CCM2: variants seen among roughly 807,000 people sequenced by gnomAD.
CCM2 encodes the protein cerebral cavernous malformations 2 protein.
Under a neutral mutation model 44.9 loss-of-function variants are expected in CCM2, and 25 were observed. The ratio of observed to expected loss-of-function variants is 0.56; its 90% CI spans 0.41 to 0.78. CCM2 has a LOEUF of 0.78. Ranked by LOEUF, CCM2 falls within the 30% of genes least tolerant of loss-of-function variation. The pLI is 0.00. For synonymous variants in CCM2, 219 were observed against 241.1 expected, an observed-to-expected ratio of 0.91 and a Z score of 0.85; for missense variants, 481 against 580.6, an observed-to-expected ratio of 0.83 and a Z score of 1.76.
At chr7:45,037,447 A>G (rs1410689330) in intron 1 of CCM2, among the ~76,000 whole-genome samples, 4 of 123,572 alleles carry the variant, frequency 3.2e-5, no homozygotes, top group Admixed American at 8.8e-5. Context: ...TTGAGACAGT[A>G]TCTTGCTCTG....
chr7:45,022,960 C>CG (rs1796539480), intron 1 of CCM2, among the ~76,000 whole-genome samples: 1 of 151,656 alleles, frequency 6.6e-6, no homozygotes, highest in African/African-American at 2.4e-5. Flanking sequence ...AGGTTGGTCT[C>CG]GAACTCCTGA....
Position 45,076,172 on chromosome 7 carries a change from G to A in CCM2, c.*115G>A, listed in dbSNP as rs772224554. 1.2e-5 allele frequency: 18 copies of A among 1,474,898 alleles called. No homozygotes were observed. Among genetic ancestry groups the A allele is most frequent in the South Asian group, 1.1e-4 (9 of 84,032 alleles). 91.4% of individuals were successfully genotyped at this position (1,474,898 alleles called of 1,614,324 possible). A position where few individuals can be genotyped will look rare whatever the true frequency, so the allele number is the denominator to read the frequency against. On this transcript the variant is annotated 3_prime_UTR_variant, in exon 10 of 10. Coordinates refer to ENST00000258781, the MANE Select transcript of CCM2 (RefSeq NM_031443.4). ...TGGTGGTGGCCAGGGAGAGGCGCCC[G>A]GTGCAGATGGCCCCGGGCGGCCCAG...
Position 45,012,930 on chromosome 7 carries a change from C to G in CCM2, c.30+12567C>G, listed in dbSNP as rs529958936. ...TTTAAACTGCATGCTTTATAAAGAG[C>G]ATTTTGTTACAGCTTGCTTTTTTAT... is the stretch of plus-strand genomic sequence containing the variant. On this transcript the variant is annotated intron_variant, in intron 1 of 9. Transcript: ENST00000258781. Among the ~76,000 whole-genome samples, 103 of 152,172 alleles carry G rather than the reference C, an allele frequency of 6.8e-4. 2 individuals carry two copies. The South Asian group carries it at 0.021, about 31-fold the overall frequency.
At chr7:45,053,096 CA>C (rs1411637625) in intron 2 of CCM2, among the ~76,000 whole-genome samples, 1 of 152,198 alleles carries the variant, frequency 6.6e-6, no homozygotes, top group Non-Finnish European at 1.5e-5. Context: ...ATCTGACTCC[CA>C]TATGTTCCTA....
intron 1 of CCM2, among the ~76,000 whole-genome samples, chr7:45,008,807 C>T (rs1167394385): frequency 2.6e-5 from 4 of 152,136 alleles, no homozygotes; most frequent in African/African-American, 9.7e-5. Flanking sequence ...ATCACCTTTA[C>T]ATAGCTTTTA....
rs1483121111 is a variant in CCM2, at chr7:45,046,880, AAAAC to A, written c.204+8461_204+8464del. ...TAAAGAACTCTCAAAACTCAACAGT[AAAAC>A]AAACAATCCGATTAAGACATAAGCA... On this transcript the variant is annotated intron_variant, in intron 2 of 9. Transcript: ENST00000258781. Among the ~76,000 whole-genome samples, 6 of 152,354 alleles carry A rather than the reference AAAAC, an allele frequency of 3.9e-5. No homozygotes were observed. In the South Asian group the frequency reaches 6.2e-4, roughly 16 times the overall value.
At chr7:45,048,165 C>G (rs1797846490) in intron 2 of CCM2, among the ~76,000 whole-genome samples, 1 of 152,168 alleles carries the variant, frequency 6.6e-6, no homozygotes, top group South Asian at 2.1e-4. Flanking sequence ...GTGGCTGCCT[C>G]TTGGAAGTGG....
At chr7:45,051,929 TCTC>T (rs1486608953) in intron 2 of CCM2, among the ~76,000 whole-genome samples, 3 of 152,192 alleles carry the variant, frequency 2.0e-5, no homozygotes, top group African/African-American at 4.8e-5. Context: ...ATGGTCTTGA[TCTC>T]CTGACCTCGT....
rs1798678658 is a variant in CCM2 at position 45,064,554 on chromosome 7, G to A, written c.380G>A (p.Gly127Glu). The A allele has an allele frequency of 2.5e-6, 4 of 1,613,874 alleles. No individual in the cohort carries two copies. In the East Asian group the frequency reaches 8.9e-5, roughly 36 times the overall value. Residue 127 changes from glycine to glutamate, a missense_variant, in exon 4 of 10, where the codon GGG (glycine) becomes GAG (glutamate). Physicochemically the swap from Gly to Glu is moderately conservative, Grantham distance 98. Transcript: ENST00000258781. ...AYNVKLAWRD[G>E]EDIILRVPIH... ...AACGTCAAGCTGGCCTGGAGGGACG[G>A]GGAGGATATCATCCTCAGGGTGCCC...
In CCM2 at chr7:45,023,109, C is replaced by G. The variant is rs559718486; in HGVS notation, c.31-15144C>G. Among the ~76,000 whole-genome samples the G allele has an allele frequency of 2.6e-5, 4 of 152,242 alleles. No individual in the cohort carries two copies. In the South Asian group the frequency reaches 8.3e-4, roughly 32 times the overall value. ...GTATCCAGTAGGTAATTTTTCATCT[C>G]TCACCTCCCTCCCACTTTCTCCCTT... On this transcript the variant is annotated intron_variant, in intron 1 of 9. Transcript: ENST00000258781.
Position 45,068,463 on chromosome 7 carries a change from C to G in CCM2, c.493C>G (p.Pro165Ala). 6.2e-7 allele frequency: 1 copy of G among 1,614,192 alleles called. No homozygotes were observed. The highest frequency in any genetic ancestry group is 8.5e-7 in the Non-Finnish European group (1 of 1,180,040). ...CTCAGCCCAGGACCCAGGGATCTCCCCCAGCCAGAGTCTGTGTGCGGAAAG... is the reference window on the plus strand; with the variant it reads ...CTCAGCCCAGGACCCAGGGATCTCCGCCAGCCAGAGTCTGTGTGCGGAAAG... ...LKTAQDPGIS[P>A]SQSLCAESSR... Residue 165 changes from proline (P) to alanine (A), a missense_variant, in exon 5 of 10, where the codon CCC (proline) becomes GCC (alanine). Coordinates refer to ENST00000258781, the MANE Select transcript of CCM2 (RefSeq NM_031443.4).
chr7:45,064,605 A>T lies in CCM2; in HGVS notation c.431A>T (p.Tyr144Phe), dbSNP rs750791330. ...ATCCATGACATCGCCGCCGTCTCCT[A>T]TGTTCGGGATGACGCTGCACACCTG... is the stretch of plus-strand genomic sequence containing the variant. ...VPIHDIAAVS[Y>F]VRDDAAHLVV... The change falls in exon 4 of 10, where the codon TAT (tyrosine) becomes TTT (phenylalanine). Residue 144 changes from tyrosine (Y) to phenylalanine (F), a missense_variant. Tyr to Phe is a conservative substitution (Grantham distance 22). Coordinates refer to ENST00000258781, the MANE Select transcript of CCM2 (RefSeq NM_031443.4). The T allele has an allele frequency of 6.2e-7, 1 of 1,613,988 alleles. No homozygotes were observed. Among genetic ancestry groups the T allele is most frequent in the Middle Eastern group, 1.7e-4 (1 of 5,938 alleles).
chr7:45,006,768 C>CT (rs1386492630), intron 1 of CCM2, among the ~76,000 whole-genome samples: 1 of 152,146 alleles, frequency 6.6e-6, no homozygotes, highest in Non-Finnish European at 1.5e-5. Context: ...CATTGGAGGA[C>CT]TCATGGAGAA....
chr7:45,011,870 A>C (rs1331950022), intron 1 of CCM2, among the ~76,000 whole-genome samples: 1 of 152,044 alleles, frequency 6.6e-6, no homozygotes, highest in Non-Finnish European at 1.5e-5. Context: ...AACTTTTTAA[A>C]AAGTTTTTGT....
At position 45,064,525 on chromosome 7, in the gene CCM2, G is replaced by T. The variant is rs35888291; in HGVS notation, c.351G>T (p.Ala117=). 26 of 1,613,838 alleles carry T rather than the reference G, an allele frequency of 1.6e-5. No individual in the cohort carries two copies. In the South Asian group the frequency reaches 2.4e-4, roughly 15 times the overall value. ...ACGATGCTGTGCTCAGCCTGTCTGCGTACAACGTCAAGCTGGCCTGGAGGG... is the reference window on the plus strand; with the variant it reads ...ACGATGCTGTGCTCAGCCTGTCTGCTTACAACGTCAAGCTGGCCTGGAGGG... The part of the protein sequence containing the change: ...QEHDAVLSLS[A]YNVKLAWRDG... Residue 117 remains alanine, a synonymous_variant, in exon 4 of 10, where the codon GCG becomes GCT. Coordinates refer to ENST00000258781, the MANE Select transcript of CCM2 (RefSeq NM_031443.4).
At chr7:45,062,149 CTTG>C (rs1798556858) in intron 2 of CCM2, among the ~76,000 whole-genome samples, 1 of 152,140 alleles carries the variant, frequency 6.6e-6, no homozygotes, top group South Asian at 2.1e-4. Context: ...TGCCAGCTTT[CTTG>C]TTGTGAGGAT....
intron 6 of CCM2, 100 bp from the exon 7 acceptor site, chr7:45,072,626 G>T: frequency 1.1e-6 from 1 of 899,532 alleles, no homozygotes; most frequent in Non-Finnish European, 1.8e-6. Flanking sequence ...GAAGACCAGG[G>T]CTGCCGCTGT....
At chr7:45,066,717 A>C (rs1208894749) in intron 4 of CCM2, among the ~76,000 whole-genome samples, 5 of 152,098 alleles carry the variant, frequency 3.3e-5, no homozygotes, top group African/African-American at 4.8e-5. Flanking sequence ...CCGTGGTAGC[A>C]CTTCCTGGAT....
intron 2 of CCM2, among the ~76,000 whole-genome samples, chr7:45,047,013 C>T (rs1330576617): frequency 6.6e-6 from 1 of 152,118 alleles, no homozygotes; most frequent in South Asian, 2.1e-4. Flanking sequence ...ACATTAAAAC[C>T]ATAATGAGCT....
Sources: gnomAD v4.1 joint callset for allele counts (sites outside exome capture counted in the v4.1 genomes callset) on GRCh38, gnomAD v4.1.1 for gene constraint, MANE v1.5 for transcripts, NCBI Gene and HGNC (gene_info 2026-07-23, HGNC 2026-07-21) for gene names.